The following PRPF18 variants were observed in gnomAD, a reference collection of about 807,000 sequenced individuals.
The protein encoded by PRPF18 is pre-mRNA-splicing factor 18.
PRPF18 carries 38 observed loss-of-function variants against 46.5 expected under a neutral mutation model. That is an observed-to-expected ratio of 0.82 (90% CI 0.63 to 1.07). The LOEUF (loss-of-function observed/expected upper bound fraction) is 1.07, where lower values mean the gene tolerates loss of function less well. Among genes scored for constraint, PRPF18 ranks in the 50% least tolerant of loss-of-function variants. PRPF18 has a pLI of 0.00. For synonymous variants in PRPF18, 152 were observed against 146.7 expected, an observed-to-expected ratio of 1.04 and a Z score of -0.26; for missense variants, 263 against 410.0, an observed-to-expected ratio of 0.64 and a Z score of 3.10.
At chr10:13,611,789 C>A in intron 6 of PRPF18, 106 bp downstream of exon 6, 1 of 845,418 alleles carries the variant, frequency 1.2e-6, no homozygotes, top group Non-Finnish European at 1.9e-6. Flanking sequence ...AGCCTCAATA[C>A]ACATTTCTCA....
intron 9 of PRPF18, among the ~76,000 whole-genome samples, chr10:13,621,064 G>A (rs956977518): frequency 6.6e-6 from 1 of 152,160 alleles, no homozygotes; most frequent in Non-Finnish European, 1.5e-5. Context: ...GGAAGCTCTG[G>A]GTTATTTAGA....
the PRPF18 span, chr10:13,655,166 A>G: frequency 6.6e-6 from 1 of 152,246 alleles, no homozygotes; most frequent in Non-Finnish European, 1.5e-5. Flanking sequence ...AATCCTACGT[A>G]AATGCATCCT....
intron 9 of PRPF18, among the ~76,000 whole-genome samples, chr10:13,628,323 T>C (rs1468153786): frequency 6.6e-6 from 1 of 152,212 alleles, no homozygotes; most frequent in Non-Finnish European, 1.5e-5. Context: ...GCTCCATTCA[T>C]AGAAGTATGT....
chr10:13,616,368 T>C lies in PRPF18; in HGVS notation c.793-30T>C, dbSNP rs375134936. On this transcript the variant is annotated intron_variant, in intron 8 of 9. Coordinates refer to ENST00000378572, the MANE Select transcript of PRPF18 (RefSeq NM_003675.4). ...TTGAGCCAGTACAACATTTTCGCCTTTCTGATTTCTTCTTACACTTTCCTT... is the reference window on the plus strand; with the variant it reads ...TTGAGCCAGTACAACATTTTCGCCTCTCTGATTTCTTCTTACACTTTCCTT... 105 of 1,576,330 alleles carry C rather than the reference T, an allele frequency of 6.7e-5. No homozygotes were observed. In the African/African-American group the frequency reaches 1.3e-3, roughly 19 times the overall value.
rs542475921 is a variant in PRPF18, at chr10:13,611,960, A to C, written c.579+277A>C. 5.3e-5 allele frequency among the ~76,000 whole-genome samples: 8 copies of C among 151,276 alleles called. No homozygotes were observed. In the East Asian group the frequency reaches 1.5e-3, roughly 29 times the overall value. Reference sequence around the variant, plus strand: ...AGTGGTGTAATCTCAGCTCACTGCAACCTCCACCTCCCGGGTTCAAGTGAT... The same window carrying C: ...AGTGGTGTAATCTCAGCTCACTGCACCCTCCACCTCCCGGGTTCAAGTGAT... On this transcript the variant is annotated intron_variant, in intron 6 of 9. Coordinates refer to ENST00000378572, the MANE Select transcript of PRPF18 (RefSeq NM_003675.4).
chr10:13,631,648 AGT>A (rs2080590788), downstream of PRPF18: 1 of 152,250 alleles, frequency 6.6e-6, no homozygotes, highest in Non-Finnish European at 1.5e-5. Context: ...GTTTAGGGGC[AGT>A]GTGTCCTCAC....
chr10:13,625,085 C>G (rs1370594627), intron 9 of PRPF18, among the ~76,000 whole-genome samples: 1 of 152,110 alleles, frequency 6.6e-6, no homozygotes, highest in Non-Finnish European at 1.5e-5. Flanking sequence ...TGTAATCCCA[C>G]CACTTTAGGA....
At chr10:13,590,863 G>A (rs554239870) in intron 1 of PRPF18, among the ~76,000 whole-genome samples, 7 of 152,292 alleles carry the variant, frequency 4.6e-5, no homozygotes, top group African/African-American at 1.2e-4. Flanking sequence ...TGTACAGATA[G>A]AATGGATATT....
chr10:13,600,124 G>C (rs755703795), intron 2 of PRPF18, 120 bp from the exon 3 acceptor site: 8 of 749,682 alleles, frequency 1.1e-5, no homozygotes, highest in African/African-American at 1.8e-5. Context: ...TTGCTCAGAG[G>C]AATATTAGAA....
At chr10:13,629,866 C>T (rs887767106) in intron 9 of PRPF18, among the ~76,000 whole-genome samples, 48 of 152,152 alleles carry the variant, frequency 3.2e-4, no homozygotes, top group African/African-American at 1.1e-3. Flanking sequence ...ACAATGGATG[C>T]CTTAGGCTGG....
the PRPF18 span, chr10:13,647,114 G>T: frequency 1.0e-5 from 2 of 198,396 alleles, no homozygotes; most frequent in Non-Finnish European, 1.8e-5. Context: ...CACTGAGAAG[G>T]ATATGTTCAC....
the PRPF18 span, chr10:13,647,049 A>T: frequency 5.7e-5 from 44 of 773,938 alleles, no homozygotes; most frequent in Non-Finnish European, 6.6e-5. Flanking sequence ...TGGGAGGCCC[A>T]AGAAAGGAGA....
At chr10:13,654,910 A>G in the PRPF18 span, 1 of 196,346 alleles carries the variant, frequency 5.1e-6, no homozygotes, top group Non-Finnish European at 1.0e-5. Context: ...CAGGGAGGGC[A>G]TATTTCTCTG....
chr10:13,638,837 G>A, the PRPF18 span: 1 of 152,052 alleles, frequency 6.6e-6, no homozygotes, highest in Non-Finnish European at 1.5e-5. Flanking sequence ...AAATATTTGG[G>A]TACCGTCTTC....
the PRPF18 span, chr10:13,654,811 G>C: frequency 4.3e-6 from 2 of 460,484 alleles, no homozygotes; most frequent in Non-Finnish European, 7.6e-6. Flanking sequence ...GCCACCAGGA[G>C]GTAGGCATAG....
At chr10:13,628,451 T>C (rs2080543162) in intron 9 of PRPF18, among the ~76,000 whole-genome samples, 1 of 152,246 alleles carries the variant, frequency 6.6e-6, no homozygotes, top group African/African-American at 2.4e-5. Context: ...ATGCACATCC[T>C]CCTGTATACT....
chr10:13,613,780 G>A lies in PRPF18; in HGVS notation c.619G>A (p.Glu207Lys). 1 of 1,614,054 alleles carries A rather than the reference G, an allele frequency of 6.2e-7. No homozygotes were observed. The highest frequency in any genetic ancestry group is 1.7e-5 in the Admixed American group (1 of 59,968). Residue 207 changes from glutamate to lysine, a missense_variant, in exon 7 of 10, where the codon GAA (glutamate) becomes AAA (lysine). Glu to Lys is a moderately conservative substitution (Grantham distance 56). Coordinates refer to ENST00000378572, the MANE Select transcript of PRPF18 (RefSeq NM_003675.4). ...TTGGGCTAAAGAATTGAATGCCAGA[G>A]AAGATTATGTGAAACGCAGTGTGCA... Reference protein sequence around the residue: ...GVWAKELNAREDYVKRSVQGK... With the variant: ...GVWAKELNARKDYVKRSVQGK...
At position 13,592,125 on chromosome 10, in the gene PRPF18, G is replaced by A. The variant is rs537602130; in HGVS notation, c.66+4973G>A. On this transcript the variant is annotated intron_variant, in intron 1 of 9. Transcript: ENST00000378572. ...GGCTGAGTACTTCCTCTTATACACA[G>A]CTTTTCTGGAATACATAGCACATCG... The A allele has an allele frequency of 1.4e-4, 80 of 587,818 alleles. No homozygotes were observed. The African/African-American group carries it at 1.4e-3, about 10-fold the overall frequency. The allele number at this position is 587,818 out of a possible 1,614,324, so 36.4% of individuals were successfully genotyped here.
chr10:13,654,858 T>C, the PRPF18 span: 2 of 332,050 alleles, frequency 6.0e-6, no homozygotes, highest in Non-Finnish European at 5.4e-6. Context: ...AAGAATCTGA[T>C]GTCCCCATAG....
Sources: allele counts gnomAD v4.1 joint callset (sites outside exome capture counted in the v4.1 genomes callset), GRCh38; gene constraint gnomAD v4.1.1; transcripts MANE v1.5; gene names NCBI Gene and HGNC (gene_info 2026-07-23, HGNC 2026-07-21).